SORCS3: variants seen among roughly 807,000 people sequenced by gnomAD.
SORCS3 encodes sortilin related VPS10 domain containing receptor 3.
In SORCS3, 57 loss-of-function variants were observed where a neutral mutation model predicts 146.3. The ratio of observed to expected loss-of-function variants is 0.39; its 90% confidence interval spans 0.31 to 0.49. The LOEUF (loss-of-function observed/expected upper bound fraction) is 0.49. SORCS3 is among the 20% of genes least tolerant of loss of function. The pLI is 0.92. For synonymous variants in SORCS3, 653 were observed against 618.5 expected, an observed-to-expected ratio of 1.06 and a Z score of -0.83; for missense variants, 1,341 against 1,575.5, an observed-to-expected ratio of 0.85 and a Z score of 2.52.
chr10:104,841,730 T>C (rs577279224), intron 1 of SORCS3, among the ~76,000 whole-genome samples: 109 of 152,328 alleles, frequency 7.2e-4, no homozygotes, highest in Non-Finnish European at 1.4e-3. Flanking sequence ...AGAAATTCAT[T>C]ATCTCGGAAA....
At chr10:104,702,706 A>G (rs141886026) in intron 1 of SORCS3, among the ~76,000 whole-genome samples, 242 of 152,306 alleles carry the variant, frequency 1.6e-3, no homozygotes, top group Non-Finnish European at 2.6e-3. Context: ...TCAGAAGCAA[A>G]GACTGTAAAA....
intron 7 of SORCS3, among the ~76,000 whole-genome samples, chr10:105,111,813 G>A (rs1304350093): frequency 6.6e-6 from 1 of 152,212 alleles, no homozygotes; most frequent in Non-Finnish European, 1.5e-5. Flanking sequence ...AAGAGGGTCA[G>A]TACAGGCTTT....
intron 1 of SORCS3, among the ~76,000 whole-genome samples, chr10:104,780,056 G>C (rs1394252743): frequency 2.0e-5 from 3 of 151,746 alleles, no homozygotes; most frequent in African/African-American, 7.3e-5. Context: ...AGCGGGGCAG[G>C]AGTAGGGGTG....
chr10:105,201,101 T>C lies in SORCS3; in HGVS notation c.2128-19T>C. The C allele has an allele frequency of 6.2e-7, 1 of 1,609,328 alleles. No individual in the cohort carries two copies. The highest frequency in any genetic ancestry group is 8.5e-7 in the Non-Finnish European group (1 of 1,178,458). On this transcript the variant is annotated intron_variant, in intron 15 of 26. Transcript: ENST00000369701. ...CTTTTTGTTTTTCTGTCTCTCACAC[T>C]ATGGAATTTCTCTCTAAGGGAGAGC...
intron 2 of SORCS3, among the ~76,000 whole-genome samples, chr10:104,849,130 G>A (rs997166053): frequency 3.8e-4 from 58 of 152,230 alleles, no homozygotes; most frequent in African/African-American, 1.4e-3. Context: ...AAGAAAAACA[G>A]CCAGGCCTGG....
chr10:104,831,108 T>A (rs2017995856), intron 1 of SORCS3, among the ~76,000 whole-genome samples: 1 of 152,146 alleles, frequency 6.6e-6, no homozygotes, highest in African/African-American at 2.4e-5. Flanking sequence ...TTATAGATTA[T>A]AGGCATGAGC....
chr10:104,825,562 C>A (rs2017925632), intron 1 of SORCS3, among the ~76,000 whole-genome samples: 1 of 152,144 alleles, frequency 6.6e-6, no homozygotes. Flanking sequence ...TGGCTGCCTT[C>A]TCAGGGTGGT....
intron 7 of SORCS3, among the ~76,000 whole-genome samples, chr10:105,123,884 G>A (rs1410567573): frequency 2.6e-5 from 4 of 152,088 alleles, no homozygotes; most frequent in Admixed American, 6.5e-5. Context: ...TTTTTCTCCT[G>A]GGAGCTTGCA....
intron 2 of SORCS3, among the ~76,000 whole-genome samples, chr10:104,883,023 G>T (rs988021878): frequency 6.6e-6 from 1 of 152,172 alleles, no homozygotes; most frequent in African/African-American, 2.4e-5. Context: ...GTTACAGGTG[G>T]CTGTGCCACC....
intron 1 of SORCS3, among the ~76,000 whole-genome samples, chr10:104,659,989 G>C (rs947341643): frequency 2.0e-5 from 3 of 152,200 alleles, no homozygotes; most frequent in Non-Finnish European, 4.4e-5. Flanking sequence ...CCTGCACAGT[G>C]GGGGACACTC....
chr10:105,172,197 C>T (rs929438956), intron 13 of SORCS3, among the ~76,000 whole-genome samples: 1 of 152,130 alleles, frequency 6.6e-6, no homozygotes, highest in Non-Finnish European at 1.5e-5. Context: ...CAATGTATTT[C>T]TTAGAAATAC....
At chr10:104,815,457 A>G (rs1338657109) in intron 1 of SORCS3, among the ~76,000 whole-genome samples, 2 of 151,570 alleles carry the variant, frequency 1.3e-5, no homozygotes, top group African/African-American at 4.8e-5. Flanking sequence ...TCAAAAAAAA[A>G]AAAAAAAAAA....
intron 1 of SORCS3, among the ~76,000 whole-genome samples, chr10:104,818,701 T>C (rs1412085846): frequency 6.6e-6 from 1 of 152,102 alleles, no homozygotes; most frequent in African/African-American, 2.4e-5. Context: ...CCAACCCCTG[T>C]TGCCCTGGGT....
intron 2 of SORCS3, among the ~76,000 whole-genome samples, chr10:104,872,261 C>T (rs1564702803): frequency 3.3e-5 from 5 of 152,172 alleles, no homozygotes. Flanking sequence ...TCAGCCTGGA[C>T]TGAACTCCAG....
intron 8 of SORCS3, among the ~76,000 whole-genome samples, chr10:105,147,333 A>T (rs2056138152): frequency 6.6e-6 from 1 of 152,134 alleles, no homozygotes; most frequent in African/African-American, 2.4e-5. Flanking sequence ...ACTAACTCTT[A>T]AATTTTAGGT....
At chr10:105,041,527 G>A (rs2055338516) in intron 4 of SORCS3, among the ~76,000 whole-genome samples, 1 of 147,564 alleles carries the variant, frequency 6.8e-6, no homozygotes, top group African/African-American at 2.5e-5. Context: ...AATTATATGT[G>A]TGTATATATA....
At chr10:104,991,527 A>G (rs2054994344) in intron 4 of SORCS3, among the ~76,000 whole-genome samples, 1 of 143,728 alleles carries the variant, frequency 7.0e-6, no homozygotes, top group African/African-American at 2.6e-5. Context: ...TTTGAGACAG[A>G]GTCTTGCTCT....
intron 2 of SORCS3, among the ~76,000 whole-genome samples, chr10:104,875,054 C>T (rs1010171994): frequency 4.6e-5 from 7 of 152,084 alleles, no homozygotes; most frequent in Non-Finnish European, 7.4e-5. Context: ...TGATGTCTTC[C>T]ATTTTCTCAA....
intron 2 of SORCS3, among the ~76,000 whole-genome samples, chr10:104,856,447 C>G (rs1387607958): frequency 6.8e-6 from 1 of 146,084 alleles, no homozygotes; most frequent in Non-Finnish European, 1.5e-5. Context: ...TGATTATATG[C>G]TATTCTGTAA....
Sources: gnomAD v4.1 joint callset for allele counts (sites outside exome capture counted in the v4.1 genomes callset) on GRCh38, gnomAD v4.1.1 for gene constraint, MANE v1.5 for transcripts, NCBI Gene and HGNC (gene_info 2026-07-23, HGNC 2026-07-21) for gene names.